NPHP4: variants seen among roughly 807,000 people sequenced by gnomAD.
NPHP4 encodes nephrocystin-4.
Under a neutral mutation model 155.8 loss-of-function variants are expected in NPHP4, and 151 were observed. The ratio of observed to expected loss-of-function variants is 0.97; its 90% CI spans 0.85 to 1.11. The LOEUF (loss-of-function observed/expected upper bound fraction) is 1.11. Ranked by LOEUF, NPHP4 falls within the 50% of genes least tolerant of loss-of-function variation. The pLI is 0.00. For missense variants in NPHP4, 1,956 were observed against 1,925.7 expected, an observed-to-expected ratio of 1.02 and a Z score of -0.29; for synonymous variants, 845 against 816.8, an observed-to-expected ratio of 1.03 and a Z score of -0.59.
chr1:5,871,635 G>C (rs945336256), intron 23 of NPHP4, among the ~76,000 whole-genome samples: 2 of 152,222 alleles, frequency 1.3e-5, no homozygotes, highest in African/African-American at 4.8e-5. Flanking sequence ...GGATGCGAGT[G>C]AGGGAGACAC....
rs1230906477 is a variant in NPHP4, at chr1:5,905,801, T to C, written c.1612-18A>G. 1 of 1,590,814 alleles carries C rather than the reference T, an allele frequency of 6.3e-7. No homozygotes were observed. The highest frequency in any genetic ancestry group is 1.8e-5 in the Admixed American group (1 of 56,730). Reference sequence around the variant, plus strand: ...AACTCCTGCTGAACAAAACGAGGGCTTCCAAGTGAGGCCACCAAGGACCCC... The same window carrying C: ...AACTCCTGCTGAACAAAACGAGGGCCTCCAAGTGAGGCCACCAAGGACCCC... On this transcript the variant is annotated intron_variant, in intron 13 of 29. Coordinates refer to ENST00000378156, the MANE Select transcript of NPHP4 (RefSeq NM_015102.5). The surrounding 1 kb of genome is among the most constrained non-coding windows in gnomAD (Gnocchi z 4.0).
intron 2 of NPHP4, among the ~76,000 whole-genome samples, chr1:5,983,423 G>T (rs779629373): frequency 6.6e-6 from 1 of 152,138 alleles, no homozygotes; most frequent in South Asian, 2.1e-4. Flanking sequence ...TGCTAAACAC[G>T]TGTTTCCCTT....
chr1:5,875,077 C>T lies in NPHP4; in HGVS notation c.2841G>A (p.Gln947=). Residue 947 remains glutamine (Q), a synonymous_variant, in exon 21 of 30, where the codon CAG becomes CAA. Transcript: ENST00000378156. ...CGATGACCTGTAGGTCCCGCAAGTG[C>T]TGTGTGCGGACGCTCTGCTGCGCCT... ...SVLAQQSVRT[Q]HLRDLQVIAA... is the part of the protein sequence containing the mutation. 1 of 1,606,176 alleles carries T rather than the reference C, an allele frequency of 6.2e-7. No homozygotes were observed. Among genetic ancestry groups the T allele is most frequent in the Non-Finnish European group, 8.5e-7 (1 of 1,179,506 alleles).
At position 5,889,044 on chromosome 1, in the gene NPHP4, TA is replaced by T. The variant is rs1451167331; in HGVS notation, c.2305-1579del. Among the ~76,000 whole-genome samples the T allele has an allele frequency of 6.6e-5, 10 of 152,176 alleles. No homozygotes were observed. The highest frequency in any genetic ancestry group is 2.4e-4 in the African/African-American group (10 of 41,432). ...AAACAGAACTGCCCCAGGGCTGGGC[TA>T]GGGGTCACACTGAAGGCAGCACAGG... On this transcript the variant is annotated intron_variant, in intron 17 of 29. Coordinates refer to ENST00000378156, the MANE Select transcript of NPHP4 (RefSeq NM_015102.5). The surrounding 1 kb of genome is among the most constrained non-coding windows in gnomAD (Gnocchi z 4.2).
chr1:5,890,023 C>T lies in NPHP4; in HGVS notation c.2304+845G>A, dbSNP rs1175343631. Among the ~76,000 whole-genome samples the T allele has an allele frequency of 6.6e-6, 1 of 152,142 alleles. No individual in the cohort carries two copies. The highest frequency in any genetic ancestry group is 1.5e-5 in the Non-Finnish European group (1 of 68,020). On this transcript the variant is annotated intron_variant, in intron 17 of 29. Coordinates refer to ENST00000378156, the MANE Select transcript of NPHP4 (RefSeq NM_015102.5). The surrounding 1 kb of genome is among the most constrained non-coding windows in gnomAD (Gnocchi z 4.9). ...AAAACTCCCATACCCCATCCCCCCA[C>T]CCCGAGAGCACAGCGCAGCTGAAGG... is the stretch of plus-strand genomic sequence containing the variant.
In NPHP4 at chr1:5,944,968, G is replaced by C. The variant is rs752732500; in HGVS notation, c.1119+2136C>G. Among the ~76,000 whole-genome samples, 3 of 152,086 alleles carry C rather than the reference G, an allele frequency of 2.0e-5. No homozygotes were observed. The highest frequency in any genetic ancestry group is 4.4e-5 in the Non-Finnish European group (3 of 68,018). On this transcript the variant is annotated intron_variant, in intron 9 of 29. Coordinates refer to ENST00000378156, the MANE Select transcript of NPHP4 (RefSeq NM_015102.5). The surrounding 1 kb of genome is among the most constrained non-coding windows in gnomAD (Gnocchi z 4.3). Reference sequence around the variant, plus strand: ...AGAGTGAGACTCTGTCTCGAAAAGAGAAGAGAAGAGAAATCAGTGACTCCA... The same window carrying C: ...AGAGTGAGACTCTGTCTCGAAAAGACAAGAGAAGAGAAATCAGTGACTCCA...
intron 11 of NPHP4, among the ~76,000 whole-genome samples, chr1:5,922,062 T>C (rs977409687): frequency 2.0e-5 from 3 of 152,222 alleles, no homozygotes; most frequent in Non-Finnish European, 4.4e-5. Context: ...GTACTCACAA[T>C]AGTCTTTGTA....
chr1:5,991,439 A>G (rs1332319369), intron 1 of NPHP4: 1 of 152,278 alleles, frequency 6.6e-6, no homozygotes, highest in Admixed American at 6.5e-5. Flanking sequence ...TGCCAACTAC[A>G]CACGCGAGAG....
chr1:5,953,884 T>C (rs988981740), intron 6 of NPHP4, among the ~76,000 whole-genome samples: 1 of 152,232 alleles, frequency 6.6e-6, no homozygotes, highest in African/African-American at 2.4e-5. Context: ...CTTCTGGTCC[T>C]AGCTCCATCT....
intron 5 of NPHP4, among the ~76,000 whole-genome samples, chr1:5,965,667 C>G (rs541074608): frequency 9.2e-5 from 14 of 152,250 alleles, no homozygotes; most frequent in African/African-American, 3.4e-4. Flanking sequence ...GGGGACCAGA[C>G]AGGCCTCCAC....
At chr1:5,935,206 T>G (rs377101040) in intron 9 of NPHP4, among the ~76,000 whole-genome samples, 1 of 152,250 alleles carries the variant, frequency 6.6e-6, no homozygotes, top group Non-Finnish European at 1.5e-5. Context: ...AGAATCGGCA[T>G]CTTGTTTCAC....
In NPHP4 at chr1:5,874,471, C is replaced by G; in HGVS notation, c.3231G>C (p.Gln1077His). 6.5e-7 allele frequency: 1 copy of G among 1,541,580 alleles called. No individual in the cohort carries two copies. The highest frequency in any genetic ancestry group is 8.8e-7 in the Non-Finnish European group (1 of 1,140,818). Residue 1077 changes from glutamine (Q) to histidine (H), a missense_variant and splice_region_variant, in exon 22 of 30, where the codon CAG becomes CAC. Gln to His is a conservative substitution (Grantham distance 24). Transcript: ENST00000378156. ...SFSAGQLAMV[Q>H]ASPGLSNEKG... ...TTCCCTGTGTGCCTGACACCCGCAC[C>G]TGCACCATGGCCAGCTGCCCTGCAG...
intron 4 of NPHP4, among the ~76,000 whole-genome samples, 192 bp downstream of exon 4, chr1:5,968,895 G>C (rs567464169): frequency 6.6e-6 from 1 of 151,890 alleles, no homozygotes; most frequent in Non-Finnish European, 1.5e-5. Flanking sequence ...TCAGCTGGGC[G>C]TGGCACCTGT....
At chr1:5,909,379 C>T (rs564991937) in intron 11 of NPHP4, among the ~76,000 whole-genome samples, 166 bp from the exon 12 acceptor site, 64 of 152,248 alleles carry the variant, frequency 4.2e-4, no homozygotes, top group Middle Eastern at 3.4e-3. Context: ...AAGGGTGCCA[C>T]CCAAAAGTGT....
chr1:5,951,989 A>T (rs1257651654), intron 7 of NPHP4, among the ~76,000 whole-genome samples: 2 of 152,200 alleles, frequency 1.3e-5, no homozygotes, highest in Admixed American at 1.3e-4. Context: ...CCCAGGGGCC[A>T]CAGGCAAACA....
chr1:5,904,805 C>T lies in NPHP4; in HGVS notation c.1956-1G>A. The T allele has an allele frequency of 6.2e-7, 1 of 1,613,894 alleles. No individual in the cohort carries two copies. The highest frequency in any genetic ancestry group is 8.5e-7 in the Non-Finnish European group (1 of 1,179,800). ...TGTTCCTCGGCAGTCCTGGGCCACT[C>T]TGAATCCAACAACAGCTCTGGGTTA... On this transcript the variant is annotated splice_acceptor_variant, in intron 15 of 29. Coordinates refer to ENST00000378156, the MANE Select transcript of NPHP4 (RefSeq NM_015102.5). LOFTEE classifies it high-confidence loss of function.
At chr1:5,876,028 C>T (rs894936424) in intron 20 of NPHP4, 2 of 152,316 alleles carry the variant, frequency 1.3e-5, no homozygotes, top group African/African-American at 4.8e-5. Flanking sequence ...GGGCCTCCAT[C>T]AGAATTTCAT....
chr1:5,970,923 C>G (rs1328896317), intron 3 of NPHP4, among the ~76,000 whole-genome samples: 1 of 152,192 alleles, frequency 6.6e-6, no homozygotes, highest in African/African-American at 2.4e-5. Context: ...TTACAGCTGA[C>G]AGGTGGTTGG....
At chr1:5,967,512 C>A in intron 4 of NPHP4, 149 bp from the exon 5 acceptor site, 1 of 652,676 alleles carries the variant, frequency 1.5e-6, no homozygotes, top group Non-Finnish European at 2.7e-6. Context: ...GCAGCTGAGG[C>A]CAGCAGCAGC....
Sources: gnomAD v4.1 joint callset for allele counts (sites outside exome capture counted in the v4.1 genomes callset) on GRCh38, gnomAD v4.1.1 for gene constraint, Gnocchi (gnomAD v3.1) non-coding constraint, MANE v1.5 for transcripts, NCBI Gene and HGNC (gene_info 2026-07-23, HGNC 2026-07-21) for gene names.